Variants in PATZ1 observed in about 807,000 individuals in gnomAD.
PATZ1 encodes the protein POZ-, AT hook-, and zinc finger-containing protein 1.
A neutral mutation model predicts 46.2 loss-of-function variants in PATZ1; 9 were observed. The observed-to-expected ratio is 0.19, with a 90% CI of 0.12 to 0.34. The LOEUF is 0.34. Among genes scored for constraint, PATZ1 ranks in the 10% least tolerant of loss-of-function variants. The pLI, the probability that PATZ1 is intolerant of heterozygous loss-of-function variation, is 1.00. For missense variants in PATZ1, 632 were observed against 923.0 expected (o/e 0.68, Z 4.08); for synonymous variants, 426 against 378.6 (o/e 1.13, Z -1.45).
chr22:31,345,374 C>A lies in PATZ1; in HGVS notation c.229G>T (p.Gly77Cys). ...GCCGGACCCCCGTCCGCAGCTCCGC[C>A]GTCGCCCAACTGGGCGCTGAACACC... ...ESVFSAQLGD[G>C]GAADGGPADV... Residue 77 changes from glycine to cysteine, a missense_variant, in exon 1 of 5, where the codon GGC becomes TGC. By Grantham distance (159) the Gly-to-Cys change is radical. Around this residue, in one of 7 missense-constraint regions of PATZ1, gnomAD observed 62 missense variants for 67.9 expected, o/e 0.91. Coordinates refer to ENST00000266269, the MANE Select transcript of PATZ1 (RefSeq NM_014323.3). This position sits in a 1 kb window ranked among gnomAD's most constrained non-coding sequence, Gnocchi z 7.4. 1.2e-6 allele frequency: 2 copies of A among 1,606,962 alleles called. No homozygotes were observed. Among genetic ancestry groups the A allele is most frequent in the South Asian group, 1.1e-5 (1 of 90,708 alleles).
At chr22:31,341,434 T>G (rs764676221) in intron 2 of PATZ1, 1 of 1,581,090 alleles carries the variant, frequency 6.3e-7, no homozygotes, top group East Asian at 2.2e-5. Flanking sequence ...GTAAAGGCCC[T>G]GCTGCCCTCT....
rs1183656370 is a variant in PATZ1, at chr22:31,345,150, G to A, written c.453C>T (p.Ile151=). The change falls in exon 1 of 5, where the codon ATC becomes ATT. Residue 151 remains isoleucine (I), a synonymous_variant. Coordinates refer to ENST00000266269, the MANE Select transcript of PATZ1 (RefSeq NM_014323.3). The surrounding 1 kb of genome is among the most constrained non-coding windows in gnomAD (Gnocchi z 7.4). ...TGGACTGTTTGATGACTTCCTGGCA[G>A]ATCTCGATAACCGACCTCATCAGCA... ...KFLLMRSVIE[I]CQEVIKQSNV... 6 of 1,614,110 alleles carry A rather than the reference G, an allele frequency of 3.7e-6. No individual in the cohort carries two copies. The highest frequency in any genetic ancestry group is 5.1e-6 in the Non-Finnish European group (6 of 1,180,038).
chr22:31,331,717 G>A (rs1467790960), intron 3 of PATZ1, among the ~76,000 whole-genome samples: 2 of 152,134 alleles, frequency 1.3e-5, no homozygotes, highest in Admixed American at 6.5e-5. Context: ...ACCAGAGCAG[G>A]TCCACTGCAA....
Position 31,345,162 on chromosome 22 carries a change from C to G in PATZ1, c.441G>C (p.Ser147=), listed in dbSNP as rs1237865736. The change falls in exon 1 of 5, where the codon TCG becomes TCC. Residue 147 remains serine (S), a synonymous_variant. Coordinates refer to ENST00000266269, the MANE Select transcript of PATZ1 (RefSeq NM_014323.3). This position sits in a 1 kb window ranked among gnomAD's most constrained non-coding sequence, Gnocchi z 7.4. ...MTAAKFLLMR[S]VIEICQEVIK... ...TGACTTCCTGGCAGATCTCGATAACCGACCTCATCAGCAGGAACTTGGCGG... is the reference window on the plus strand; with the variant it reads ...TGACTTCCTGGCAGATCTCGATAACGGACCTCATCAGCAGGAACTTGGCGG... 3 of 1,614,040 alleles carry G rather than the reference C, an allele frequency of 1.9e-6. No homozygotes were observed. The highest frequency in any genetic ancestry group is 2.5e-6 in the Non-Finnish European group (3 of 1,180,020).
chr22:31,342,804 G>A (rs944175704), intron 2 of PATZ1, 93 bp downstream of exon 2: 10 of 1,410,848 alleles, frequency 7.1e-6, no homozygotes, highest in Non-Finnish European at 7.9e-6. Flanking sequence ...CGGTCAGCCG[G>A]GCCCCCGGCA....
chr22:31,345,559 T>C lies in PATZ1; in HGVS notation c.44A>G (p.Tyr15Cys), dbSNP rs757918024. ...GCTGTGTCTGCTCACCTGGTATGTG[T>C]AGCAGCCAGACGGGCCGCACGAAGC... ...NDASCGPSGC[Y>C]TYQVSRHSTE... Residue 15 changes from tyrosine (Y) to cysteine (C), a missense_variant, in exon 1 of 5, where the codon TAC becomes TGC. Physicochemically the swap from Tyr to Cys is radical, Grantham distance 194. Around this residue, in one of 7 missense-constraint regions of PATZ1, gnomAD observed 30 missense variants for 27.7 expected, o/e 1.08. Transcript: ENST00000266269. This position sits in a 1 kb window ranked among gnomAD's most constrained non-coding sequence, Gnocchi z 7.4. The C allele has an allele frequency of 1.2e-6, 2 of 1,604,478 alleles. No individual in the cohort carries two copies. Among genetic ancestry groups the C allele is most frequent in the South Asian group, 2.2e-5 (2 of 90,866 alleles).
chr22:31,338,246 G>A (rs946127610), intron 2 of PATZ1, among the ~76,000 whole-genome samples: 4 of 152,202 alleles, frequency 2.6e-5, no homozygotes, highest in Non-Finnish European at 5.9e-5. Flanking sequence ...GCCAGTGGAG[G>A]CCGTGAGAGG....
intron 1 of PATZ1, chr22:31,343,525 CG>C: frequency 1.3e-6 from 1 of 773,216 alleles, no homozygotes; most frequent in Non-Finnish European, 1.6e-6. Flanking sequence ...GGTTCCTGGT[CG>C]GGGCCCTCTG....
Position 31,344,946 on chromosome 22 carries a change from G to A in PATZ1, c.657C>T (p.Ala219=), listed in dbSNP as rs759110500. The A allele has an allele frequency of 1.9e-6, 3 of 1,613,734 alleles. No homozygotes were observed. Among genetic ancestry groups the A allele is most frequent in the Admixed American group, 1.7e-5 (1 of 60,032 alleles). Residue 219 remains alanine, a synonymous_variant, in exon 1 of 5, where the codon GCC becomes GCT. Transcript: ENST00000266269. ...CAGGCAAAGAGGCTTGGCCTGCAAT[G>A]GCTGCACCAGCCGCCCGAGCTGCCT... ...EEEAARAAGA[A]IAGQASLPVL... is the part of the protein sequence containing the mutation.
chr22:31,328,239 A>G lies in PATZ1; in HGVS notation c.1645+548T>C, dbSNP rs1053196884. 2.6e-5 allele frequency among the ~76,000 whole-genome samples: 4 copies of G among 151,946 alleles called. No homozygotes were observed. Among genetic ancestry groups the G allele is most frequent in the Non-Finnish European group, 4.4e-5 (3 of 67,964 alleles). ...GGCCTGGGGAGCTTTCTGCAAACCA[A>G]CTCCCAAGTCAGAGGAGTCAGATAG... On this transcript the variant is annotated intron_variant, in intron 4 of 4. Transcript: ENST00000266269. The surrounding 1 kb of genome is among the most constrained non-coding windows in gnomAD (Gnocchi z 4.8).
At chr22:31,331,077 T>C (rs993778815) in intron 3 of PATZ1, among the ~76,000 whole-genome samples, 2 of 152,230 alleles carry the variant, frequency 1.3e-5, no homozygotes, top group African/African-American at 4.8e-5. Context: ...TGTCCTGTGC[T>C]ATGACCGCAG....
chr22:31,344,868 T>C lies in PATZ1; in HGVS notation c.735A>G (p.Gln245=), dbSNP rs751915399. The C allele has an allele frequency of 6.2e-7, 1 of 1,612,866 alleles. No homozygotes were observed. Among genetic ancestry groups the C allele is most frequent in the South Asian group, 1.1e-5 (1 of 91,076 alleles). ...LPMVAGPLSP[Q]LLTSPFPSVA... is the part of the protein sequence containing the mutation. ...CACTGGGGAATGGGGAAGTCAGCAG[T>C]TGGGGGGATAGGGGTCCAGCCACCA... Residue 245 remains glutamine, a synonymous_variant, in exon 1 of 5, where the codon CAA becomes CAG. Transcript: ENST00000266269.
At chr22:31,344,296 C>A in intron 1 of PATZ1, 36 bp downstream of exon 1, 1 of 1,541,688 alleles carries the variant, frequency 6.5e-7, no homozygotes, top group Non-Finnish European at 8.8e-7. Context: ...ACTAAGATAA[C>A]GTGTGGCAGG....
At position 31,326,077 on chromosome 22, in the gene PATZ1, T is replaced by C. The variant is rs1228814365; in HGVS notation, c.*814A>G. 1 of 219,028 alleles carries C rather than the reference T, an allele frequency of 4.6e-6. No homozygotes were observed. Among genetic ancestry groups the C allele is most frequent in the Non-Finnish European group, 9.2e-6 (1 of 108,906 alleles). The allele number at this position is 219,028 out of a possible 1,614,324, so 13.6% of individuals were successfully genotyped here. On this transcript the variant is annotated 3_prime_UTR_variant, in exon 5 of 5. Transcript: ENST00000266269. ...GGTACATCTAAACAAAGTTTAATAC[T>C]AACCCTAATGTGTGACTGCGGTTTA...
chr22:31,336,689 C>A (rs2049513747), intron 2 of PATZ1, among the ~76,000 whole-genome samples: 1 of 151,484 alleles, frequency 6.6e-6, no homozygotes, highest in Non-Finnish European at 1.5e-5. Context: ...TCCCGTAATC[C>A]CAGCTACTTG....
In PATZ1 at chr22:31,345,373, C is replaced by T. The variant is rs1490927681; in HGVS notation, c.230G>A (p.Gly77Asp). 1 of 1,606,988 alleles carries T rather than the reference C, an allele frequency of 6.2e-7. No individual in the cohort carries two copies. Among genetic ancestry groups the T allele is most frequent in the African/African-American group, 1.3e-5 (1 of 74,884 alleles). Residue 77 changes from glycine to aspartate, a missense_variant, in exon 1 of 5, where the codon GGC becomes GAC. Gly to Asp is a moderately conservative substitution (Grantham distance 94). This residue lies in a region of PATZ1 where 62 missense variants were observed against 67.9 expected (regional missense o/e 0.91). Transcript: ENST00000266269. This position sits in a 1 kb window ranked among gnomAD's most constrained non-coding sequence, Gnocchi z 7.4. Reference sequence around the variant, plus strand: ...AGCCGGACCCCCGTCCGCAGCTCCGCCGTCGCCCAACTGGGCGCTGAACAC... The same window carrying T: ...AGCCGGACCCCCGTCCGCAGCTCCGTCGTCGCCCAACTGGGCGCTGAACAC... ...ESVFSAQLGD[G>D]GAADGGPADV...
chr22:31,326,315 CAGAA>C lies in PATZ1; in HGVS notation c.*572_*575del, dbSNP rs2049370103. ...AAAATGCTCGCCTCCAAGCAGGGCT[CAGAA>C]AGGTCTGGAGCCCTCCAGGCAGAGG... On this transcript the variant is annotated 3_prime_UTR_variant, in exon 5 of 5. Transcript: ENST00000266269. 4.3e-6 allele frequency: 1 copy of C among 230,742 alleles called. No homozygotes were observed. The highest frequency in any genetic ancestry group is 8.6e-6 in the Non-Finnish European group (1 of 116,614). 14.3% of individuals were successfully genotyped at this position (230,742 alleles called of 1,614,324 possible). A position where few individuals can be genotyped will look rare whatever the true frequency, so the allele number is the denominator to read the frequency against.
chr22:31,343,037 T>TAC lies in PATZ1; in HGVS notation c.1272-79_1272-78dup, dbSNP rs145232999. 1.6e-3 allele frequency: 2,452 copies of TAC among 1,577,294 alleles called. 11 individuals carry two copies. The South Asian group carries it at 0.017, about 11-fold the overall frequency. On this transcript the variant is annotated intron_variant, in intron 1 of 4. Coordinates refer to ENST00000266269, the MANE Select transcript of PATZ1 (RefSeq NM_014323.3). Reference sequence around the variant, plus strand: ...ACACAGGCACATATGCATACGTGTGTACACACACACACACACTCACTGCTG... The same window carrying TAC: ...ACACAGGCACATATGCATACGTGTGTACACACACACACACACACTCACTGCTG...
At position 31,345,230 on chromosome 22, in the gene PATZ1, G is replaced by A. The variant is rs1426107341; in HGVS notation, c.373C>T (p.Arg125Cys). The A allele has an allele frequency of 6.2e-7, 1 of 1,613,434 alleles. No individual in the cohort carries two copies. Among genetic ancestry groups the A allele is most frequent in the African/African-American group, 1.3e-5 (1 of 74,908 alleles). ...AAGCTCTCCAAGCGCACCACGATGC[G>A]GGAAGTGTAGGCGAAGTCCAGAATG... is the stretch of plus-strand genomic sequence containing the variant. ...GDILDFAYTS[R>C]IVVRLESFPE... Residue 125 changes from arginine (R) to cysteine (C), a missense_variant, in exon 1 of 5, where the codon CGC becomes TGC. Transcript: ENST00000266269. This position sits in a 1 kb window ranked among gnomAD's most constrained non-coding sequence, Gnocchi z 7.4.
Sources: allele counts gnomAD v4.1 joint callset (sites outside exome capture counted in the v4.1 genomes callset), GRCh38; gene constraint gnomAD v4.1.1; regional missense constraint gnomAD v4.1.1; non-coding constraint Gnocchi (gnomAD v3.1); transcripts MANE v1.5; gene names NCBI Gene and HGNC (gene_info 2026-07-23, HGNC 2026-07-21).